EIF4EBP2: variants seen among roughly 807,000 people sequenced by gnomAD.
EIF4EBP2 encodes eukaryotic translation initiation factor 4E-binding protein 2.
Under a neutral mutation model 10.3 loss-of-function variants are expected in EIF4EBP2, and 5 were observed. The observed-to-expected ratio is 0.48, with a 90% CI of 0.25 to 1.02. EIF4EBP2 has a LOEUF of 1.02. EIF4EBP2 is among the 50% of genes least tolerant of loss of function. The pLI, the probability that EIF4EBP2 is intolerant of heterozygous loss-of-function variation, is 0.15. For missense variants in EIF4EBP2, 188 were observed against 162.2 expected, an observed-to-expected ratio of 1.16 and a Z score of -0.86; for synonymous variants, 67 against 61.1, an observed-to-expected ratio of 1.10 and a Z score of -0.45.
At chr10:70,406,060 C>CA (rs759105978) in intron 1 of EIF4EBP2, among the ~76,000 whole-genome samples, 7 of 152,266 alleles carry the variant, frequency 4.6e-5, no homozygotes, top group African/African-American at 7.2e-5. Flanking sequence ...CGGCTCACTG[C>CA]ACTCTCTACT....
rs879002456 is a variant in EIF4EBP2, at chr10:70,427,959, CTTTTTTTTTT to C, written c.*6223_*6232del. On this transcript the variant is annotated 3_prime_UTR_variant, in exon 3 of 3. Coordinates refer to ENST00000373218, the MANE Select transcript of EIF4EBP2 (RefSeq NM_004096.5). ...GTATCCCCTTTCTCTCCAGCTTAATCTTTTTTTTTTTTTTTTTTTTAAAGCCCAGGCCAAG... is the reference window on the plus strand; with the variant it reads ...GTATCCCCTTTCTCTCCAGCTTAATCTTTTTTTTTTAAAGCCCAGGCCAAG... 1 of 130,498 alleles carries C rather than the reference CTTTTTTTTTT, an allele frequency of 7.7e-6. No individual in the cohort carries two copies. Among genetic ancestry groups the C allele is most frequent in the African/African-American group, 2.8e-5 (1 of 35,598 alleles). 8.1% of individuals were successfully genotyped at this position (130,498 alleles called of 1,614,324 possible). A position where few individuals can be genotyped will look rare whatever the true frequency, so the allele number is the denominator to read the frequency against.
At chr10:70,405,556 G>A (rs1844957222) in intron 1 of EIF4EBP2, among the ~76,000 whole-genome samples, 1 of 152,216 alleles carries the variant, frequency 6.6e-6, no homozygotes, top group Non-Finnish European at 1.5e-5. Flanking sequence ...TCAGAACTTT[G>A]TCTTCTTTTG....
intron 1 of EIF4EBP2, among the ~76,000 whole-genome samples, chr10:70,418,349 T>C (rs1845119080): frequency 6.6e-6 from 1 of 152,206 alleles, no homozygotes; most frequent in Non-Finnish European, 1.5e-5. Flanking sequence ...CTGTGGTATT[T>C]TGTTATGGCA....
rs1845190539 is a variant in EIF4EBP2 at position 70,424,751 on chromosome 10, A to G, written c.*3004A>G. 2 of 152,232 alleles carry G rather than the reference A, an allele frequency of 1.3e-5. No individual in the cohort carries two copies. The highest frequency in any genetic ancestry group is 2.1e-4 in the South Asian group (1 of 4,832). 9.4% of individuals were successfully genotyped at this position (152,232 alleles called of 1,614,324 possible). ...ACTTCCCTTCAAATTCCAACAGCAGACATGCATTGTCATGATTCTGTCTTC... is the reference window on the plus strand; with the variant it reads ...ACTTCCCTTCAAATTCCAACAGCAGGCATGCATTGTCATGATTCTGTCTTC... On this transcript the variant is annotated 3_prime_UTR_variant, in exon 3 of 3. Coordinates refer to ENST00000373218, the MANE Select transcript of EIF4EBP2 (RefSeq NM_004096.5).
intron 1 of EIF4EBP2, among the ~76,000 whole-genome samples, chr10:70,409,031 C>G (rs1008338155): frequency 1.3e-5 from 2 of 152,170 alleles, no homozygotes; most frequent in Non-Finnish European, 2.9e-5. Flanking sequence ...CCTAAATGAT[C>G]AGACTGAGCA....
intron 1 of EIF4EBP2, among the ~76,000 whole-genome samples, chr10:70,412,174 C>A (rs1453675290): frequency 6.6e-6 from 1 of 152,114 alleles, no homozygotes; most frequent in Non-Finnish European, 1.5e-5. Context: ...TCCCCTCCAA[C>A]GGAGAAAGTC....
At chr10:70,414,009 G>A (rs1339591959) in intron 1 of EIF4EBP2, among the ~76,000 whole-genome samples, 1 of 152,184 alleles carries the variant, frequency 6.6e-6, no homozygotes, top group African/African-American at 2.4e-5. Context: ...GGGAGTCTGG[G>A]TGAAATGTGA....
At position 70,421,797 on chromosome 10, in the gene EIF4EBP2, A is replaced by G; in HGVS notation, c.*50A>G. On this transcript the variant is annotated 3_prime_UTR_variant, in exon 3 of 3. Transcript: ENST00000373218. ...AGCAGCAACACTGATACTTGTGTGC[A>G]CCTGATTTGGCCAATAGGATCAACA... 6.3e-7 allele frequency: 1 copy of G among 1,591,182 alleles called. No homozygotes were observed. The highest frequency in any genetic ancestry group is 1.1e-5 in the South Asian group (1 of 90,252).
chr10:70,407,843 G>A, intron 1 of EIF4EBP2, among the ~76,000 whole-genome samples: 1 of 141,046 alleles, frequency 7.1e-6, no homozygotes, highest in African/African-American at 2.6e-5. Context: ...TGGGGCGGCT[G>A]GCCGGGCGGG....
chr10:70,420,390 G>A (rs186842819), intron 2 of EIF4EBP2, among the ~76,000 whole-genome samples: 18 of 152,052 alleles, frequency 1.2e-4, no homozygotes, highest in Non-Finnish European at 2.2e-4. Flanking sequence ...TAGTAGAGAC[G>A]GGGTTTCGCC....
rs1053525133 is a variant in EIF4EBP2, at chr10:70,404,593, C to T, written c.145+47C>T. ...GCCGCGCCCGGTGTCCCGCCGCGGT[C>T]CTCTAACTCCTCGGCGCCTCGGTGC... On this transcript the variant is annotated intron_variant, in intron 1 of 2. Coordinates refer to ENST00000373218, the MANE Select transcript of EIF4EBP2 (RefSeq NM_004096.5). The T allele has an allele frequency of 2.7e-6, 4 of 1,485,984 alleles. No individual in the cohort carries two copies. In the African/African-American group the frequency reaches 4.4e-5, roughly 16 times the overall value. 92.0% of individuals were successfully genotyped at this position (1,485,984 alleles called of 1,614,324 possible). A position where few individuals can be genotyped will look rare whatever the true frequency, so the allele number is the denominator to read the frequency against.
chr10:70,420,158 T>C (rs1277147254), intron 2 of EIF4EBP2, 59 bp downstream of exon 2: 7 of 1,472,484 alleles, frequency 4.8e-6, no homozygotes, highest in Non-Finnish European at 6.4e-6. Context: ...GAATGTCTGT[T>C]TGCTGTAGGT....
intron 1 of EIF4EBP2, among the ~76,000 whole-genome samples, chr10:70,418,555 A>G (rs565427161): frequency 1.3e-5 from 2 of 152,126 alleles, no homozygotes; most frequent in South Asian, 4.1e-4. Flanking sequence ...TATAATAAAC[A>G]ATTTTCATAA....
intron 1 of EIF4EBP2, among the ~76,000 whole-genome samples, chr10:70,405,609 T>G (rs1486921190): frequency 6.6e-6 from 1 of 152,306 alleles, no homozygotes; most frequent in Admixed American, 6.5e-5. Flanking sequence ...ACTTCGCAGC[T>G]CCTGCGGTCT....
In EIF4EBP2 at chr10:70,423,729, C is replaced by T. The variant is rs1004709716; in HGVS notation, c.*1982C>T. 6.6e-6 allele frequency: 1 copy of T among 152,552 alleles called. No individual in the cohort carries two copies. Among genetic ancestry groups the T allele is most frequent in the Admixed American group, 6.5e-5 (1 of 15,272 alleles). The allele number at this position is 152,552 out of a possible 1,614,324, so 9.4% of individuals were successfully genotyped here. On this transcript the variant is annotated 3_prime_UTR_variant, in exon 3 of 3. Coordinates refer to ENST00000373218, the MANE Select transcript of EIF4EBP2 (RefSeq NM_004096.5). ...CAGAACTTTGTTCTGTTTTCTGCCA[C>T]AAAAATGTGAATAGTTCAGAGTGAA...
At chr10:70,413,240 G>T (rs1845062322) in intron 1 of EIF4EBP2, among the ~76,000 whole-genome samples, 1 of 152,046 alleles carries the variant, frequency 6.6e-6, no homozygotes, top group Admixed American at 6.6e-5. Flanking sequence ...GTCTCAACCT[G>T]TCAACTTTAG....
In EIF4EBP2 at chr10:70,428,105, T is replaced by G. The variant is rs1845222367; in HGVS notation, c.*6358T>G. ...TACCTGGTGCCTGTATCTACATTGC[T>G]GAGTGCTGTGCGCCAGTGCCTTTCC... On this transcript the variant is annotated 3_prime_UTR_variant, in exon 3 of 3. Transcript: ENST00000373218. The G allele has an allele frequency of 6.6e-6, 1 of 152,028 alleles. No homozygotes were observed. The highest frequency in any genetic ancestry group is 1.5e-5 in the Non-Finnish European group (1 of 68,006). The allele number at this position is 152,028 out of a possible 1,614,324, so 9.4% of individuals were successfully genotyped here. A position where few individuals can be genotyped will look rare whatever the true frequency, so the allele number is the denominator to read the frequency against.
At position 70,422,046 on chromosome 10, in the gene EIF4EBP2, G is replaced by T. The variant is rs7093504; in HGVS notation, c.*299G>T. ...AAACAGTTCAACTCTGACTTTCCTAGTTGTTTTTTTATTGAGAGCCACCCT... is the reference window on the plus strand; with the variant it reads ...AAACAGTTCAACTCTGACTTTCCTATTTGTTTTTTTATTGAGAGCCACCCT... On this transcript the variant is annotated 3_prime_UTR_variant, in exon 3 of 3. Transcript: ENST00000373218. 1.8e-5 allele frequency: 7 copies of T among 388,426 alleles called. No homozygotes were observed. Among genetic ancestry groups the T allele is most frequent in the Non-Finnish European group, 3.3e-5 (7 of 213,630 alleles). 24.1% of individuals were successfully genotyped at this position (388,426 alleles called of 1,614,324 possible). A position where few individuals can be genotyped will look rare whatever the true frequency, so the allele number is the denominator to read the frequency against.
chr10:70,419,920 G>T lies in EIF4EBP2; in HGVS notation c.152G>T (p.Arg51Leu). 6.4e-7 allele frequency: 1 copy of T among 1,568,174 alleles called. No homozygotes were observed. Among genetic ancestry groups the T allele is most frequent in the Non-Finnish European group, 8.6e-7 (1 of 1,160,056 alleles). The change falls in exon 2 of 3, where the codon CGA becomes CTA. Residue 51 changes from arginine (R) to leucine (L), a missense_variant. Arg to Leu is a moderately radical substitution (Grantham distance 102). Transcript: ENST00000373218. ...TTTTAACCCTGTTTTCCAGGAACTC[G>T]AATCATTTATGACAGAAAGTTTCTG... ...TLFSTTPGGT[R>L]IIYDRKFLLD...
Sources: allele counts gnomAD v4.1 joint callset (sites outside exome capture counted in the v4.1 genomes callset), GRCh38; gene constraint gnomAD v4.1.1; transcripts MANE v1.5; gene names NCBI Gene and HGNC (gene_info 2026-07-23, HGNC 2026-07-21).